Variants in CSMD1 observed in about 807,000 individuals in gnomAD.
The protein encoded by CSMD1 is CUB and sushi domain-containing protein 1.
CSMD1 carries 213 observed loss-of-function variants against 417.5 expected under a neutral mutation model. The observed-to-expected ratio is 0.51, with a 90% CI of 0.46 to 0.57. The LOEUF is 0.57. CSMD1 is among the 20% of genes least tolerant of loss of function. CSMD1 has a pLI of 0.00. For synonymous variants in CSMD1, 2,862 were observed against 1,736.8 expected, an observed-to-expected ratio of 1.65 and a Z score of -16.11; for missense variants, 6,923 against 4,529.7, an observed-to-expected ratio of 1.53 and a Z score of -15.17.
chr8:3,647,914 CTGTT>C (rs1311583271), intron 7 of CSMD1, among the ~76,000 whole-genome samples: 1 of 152,228 alleles, frequency 6.6e-6, no homozygotes, highest in African/African-American at 2.4e-5. Flanking sequence ...ACAAATTACT[CTGTT>C]TGTTTTGTTT....
rs1224310587 is a variant in CSMD1 at position 4,709,051 on chromosome 8, CTTTG to C, written c.86-71497_86-71494del. Among the ~76,000 whole-genome samples the C allele has an allele frequency of 2.0e-5, 3 of 152,258 alleles. No homozygotes were observed. In the East Asian group the frequency reaches 5.8e-4, roughly 29 times the overall value. On this transcript the variant is annotated intron_variant, in intron 1 of 69. Transcript: ENST00000635120. The stretch of plus-strand genomic sequence containing the variant: ...TGCTGAAGCTTCCCAGTCTATGGTA[CTTTG>C]TTATGGGAGCCCTAGCAAAGTAATA...
chr8:4,248,542 A>G (rs1436307530), intron 3 of CSMD1, among the ~76,000 whole-genome samples: 1 of 152,208 alleles, frequency 6.6e-6, no homozygotes, highest in Non-Finnish European at 1.5e-5. Flanking sequence ...GTTTTGCCAT[A>G]GACACATTCT....
At chr8:4,043,735 T>A (rs549104655) in intron 3 of CSMD1, among the ~76,000 whole-genome samples, 1 of 152,190 alleles carries the variant, frequency 6.6e-6, no homozygotes, top group Non-Finnish European at 1.5e-5. Flanking sequence ...TTATTACTAA[T>A]AGATACTATT....
At chr8:4,342,767 A>T (rs1401573151) in intron 3 of CSMD1, among the ~76,000 whole-genome samples, 1 of 152,108 alleles carries the variant, frequency 6.6e-6, no homozygotes, top group Non-Finnish European at 1.5e-5. Context: ...TTAAAAAGAA[A>T]AATAATACAA....
At chr8:4,548,122 G>A (rs965528297) in intron 2 of CSMD1, among the ~76,000 whole-genome samples, 18 of 152,064 alleles carry the variant, frequency 1.2e-4, no homozygotes, top group African/African-American at 4.1e-4. Flanking sequence ...TTGCTTTGAT[G>A]ATGATACTGT....
intron 5 of CSMD1, among the ~76,000 whole-genome samples, chr8:3,832,482 G>C (rs1316798920): frequency 1.3e-5 from 2 of 152,052 alleles, no homozygotes. Flanking sequence ...TGTTCTAAAT[G>C]TGTATCCACA....
At chr8:3,872,710 T>C (rs1343285520) in intron 5 of CSMD1, among the ~76,000 whole-genome samples, 2 of 152,124 alleles carry the variant, frequency 1.3e-5, no homozygotes, top group Non-Finnish European at 2.9e-5. Flanking sequence ...GAAGGCCTTG[T>C]TCTCACTATT....
chr8:4,435,904 A>G (rs1480374108), intron 2 of CSMD1, among the ~76,000 whole-genome samples: 1 of 152,198 alleles, frequency 6.6e-6, no homozygotes, highest in African/African-American at 2.4e-5. Flanking sequence ...TCAAATGTAG[A>G]TTTGACGGAA....
chr8:3,553,967 G>A (rs1799029442), intron 10 of CSMD1, among the ~76,000 whole-genome samples: 1 of 152,142 alleles, frequency 6.6e-6, no homozygotes, highest in Non-Finnish European at 1.5e-5. Flanking sequence ...TACATTAGGT[G>A]ATGGAATTAT....
At chr8:4,573,398 A>G (rs924571923) in intron 2 of CSMD1, among the ~76,000 whole-genome samples, 2 of 151,852 alleles carry the variant, frequency 1.3e-5, no homozygotes, top group Admixed American at 6.6e-5. Context: ...GGTCTGCTGG[A>G]GTTTGCTGGA....
At chr8:4,416,404 A>C (rs540365447) in intron 3 of CSMD1, among the ~76,000 whole-genome samples, 2 of 152,150 alleles carry the variant, frequency 1.3e-5, no homozygotes, top group African/African-American at 2.4e-5. Flanking sequence ...TAAATTATTG[A>C]AGTCCATGTA....
chr8:4,812,149 A>C (rs1798944360), intron 1 of CSMD1, among the ~76,000 whole-genome samples: 1 of 152,294 alleles, frequency 6.6e-6, no homozygotes, highest in East Asian at 1.9e-4. Flanking sequence ...CCTTCTGTGA[A>C]GCTCACTGGC....
intron 1 of CSMD1, among the ~76,000 whole-genome samples, chr8:4,936,427 G>C (rs563838955): frequency 3.3e-5 from 5 of 152,036 alleles, no homozygotes; most frequent in Admixed American, 1.3e-4. Context: ...GATATAAATA[G>C]AAAAAAATAG....
intron 3 of CSMD1, among the ~76,000 whole-genome samples, chr8:4,339,530 A>G (rs1040969603): frequency 2.0e-5 from 3 of 152,132 alleles, no homozygotes; most frequent in Non-Finnish European, 2.9e-5. Flanking sequence ...TTTCAGTCCT[A>G]CATTTCTAAA....
At chr8:4,356,276 G>T (rs1801426737) in intron 3 of CSMD1, among the ~76,000 whole-genome samples, 1 of 151,958 alleles carries the variant, frequency 6.6e-6, no homozygotes. Flanking sequence ...CACTGCAAAT[G>T]CTGTTCATTC....
chr8:4,012,608 G>C (rs1260450351), intron 4 of CSMD1, among the ~76,000 whole-genome samples: 1 of 151,998 alleles, frequency 6.6e-6, no homozygotes, highest in Non-Finnish European at 1.5e-5. Flanking sequence ...CAGTGACTAT[G>C]TCATCTGTAT....
chr8:4,299,446 C>A (rs564478838), intron 3 of CSMD1, among the ~76,000 whole-genome samples: 1 of 152,036 alleles, frequency 6.6e-6, no homozygotes, highest in Admixed American at 6.6e-5. Flanking sequence ...TTCAAAAAGC[C>A]ACTAGTAATT....
intron 2 of CSMD1, among the ~76,000 whole-genome samples, chr8:4,529,236 T>C (rs918898824): frequency 2.0e-5 from 3 of 152,164 alleles, no homozygotes; most frequent in African/African-American, 7.2e-5. Flanking sequence ...CACTTGTCCC[T>C]TTCTTATTCT....
In CSMD1 at chr8:3,647,144, T is replaced by C. The variant is rs922144233; in HGVS notation, c.1010-30347A>G. Among the ~76,000 whole-genome samples the C allele has an allele frequency of 2.6e-5, 4 of 152,112 alleles. No individual in the cohort carries two copies. The East Asian group carries it at 5.8e-4, about 22-fold the overall frequency. ...AATAAATCATAGGAATGTAAGCTTG[T>C]AGGGGTGGATGGTCCTCCGGTGCAA... On this transcript the variant is annotated intron_variant, in intron 7 of 69. Transcript: ENST00000635120.
Sources: gnomAD v4.1 joint callset for allele counts (sites outside exome capture counted in the v4.1 genomes callset) on GRCh38, gnomAD v4.1.1 for gene constraint, MANE v1.5 for transcripts, NCBI Gene and HGNC (gene_info 2026-07-23, HGNC 2026-07-21) for gene names.